NEB: variants seen among roughly 807,000 people sequenced by gnomAD.
NEB encodes the protein nebulin, also known as nemaline myopathy type 2.
A neutral mutation model predicts 952.2 loss-of-function variants in NEB; 512 were observed. The ratio of observed to expected loss-of-function variants is 0.54; its 90% confidence interval spans 0.50 to 0.58. The LOEUF is 0.58. NEB is among the 20% of genes least tolerant of loss of function. The pLI, the probability that NEB is intolerant of heterozygous loss-of-function variation, is 0.00. For synonymous variants in NEB, 2,900 were observed against 3,149.8 expected, an observed-to-expected ratio of 0.92 and a Z score of 2.66; for missense variants, 8,428 against 9,231.1, an observed-to-expected ratio of 0.91 and a Z score of 3.56.
rs1455652905 is a variant in NEB, at chr2:151,727,671, A to G, written c.294+20T>C. ...TTCTTAATAATCAAGCCAGGTTAGC[A>G]GAAGTTGTTTGAAACTTACTGGGCT... On this transcript the variant is annotated intron_variant, in intron 5 of 181. Coordinates refer to ENST00000397345, the MANE Select transcript of NEB (RefSeq NM_001164508.2). 1.2e-6 allele frequency: 2 copies of G among 1,600,574 alleles called. No homozygotes were observed. Among genetic ancestry groups the G allele is most frequent in the Non-Finnish European group, 1.7e-6 (2 of 1,168,762 alleles).
chr2:151,683,333 C>A (rs562215553), intron 28 of NEB, among the ~76,000 whole-genome samples: 2 of 152,172 alleles, frequency 1.3e-5, no homozygotes, highest in African/African-American at 4.8e-5. Flanking sequence ...CATAAGAGGG[C>A]GGTTATTATT....
chr2:151,492,195 GTTC>G lies in NEB; in HGVS notation c.24957_24959del (p.Lys8319del), dbSNP rs755822172. The G allele has an allele frequency of 1.1e-5, 18 of 1,613,674 alleles. No homozygotes were observed. In the Admixed American group the frequency reaches 2.3e-4, roughly 21 times the overall value. Reference sequence around the variant, plus strand: ...AGTTAATGTCACTGAAGTCCTGCATGTTCTTCTTTACTCGTTCAGTGATAGGAT... The same window carrying G: ...AGTTAATGTCACTGAAGTCCTGCATGTTCTTTACTCGTTCAGTGATAGGAT... On this transcript the variant is annotated inframe_deletion, in exon 178 of 182. Coordinates refer to ENST00000397345, the MANE Select transcript of NEB (RefSeq NM_001164508.2).
intron 92 of NEB, among the ~76,000 whole-genome samples, chr2:151,595,258 A>AT (rs71403176): frequency 9.2e-5 from 13 of 140,580 alleles, no homozygotes; most frequent in East Asian, 2.2e-4. Context: ...TTTTATTTTT[A>AT]TTTTTTTTTG....
intron 13 of NEB, among the ~76,000 whole-genome samples, chr2:151,706,471 G>A (rs2099706772): frequency 1.3e-5 from 2 of 152,102 alleles, no homozygotes; most frequent in African/African-American, 2.4e-5. Flanking sequence ...GAAGACTTAG[G>A]GGCCCATCTT....
At chr2:151,573,777 C>G (rs2096729753) in intron 107 of NEB, among the ~76,000 whole-genome samples, 1 of 152,146 alleles carries the variant, frequency 6.6e-6, no homozygotes. Context: ...TTTCTGCGAT[C>G]CATGAAAATG....
intron 29 of NEB, among the ~76,000 whole-genome samples, chr2:151,681,563 CT>C (rs1249603198): frequency 6.6e-6 from 1 of 152,210 alleles, no homozygotes; most frequent in East Asian, 1.9e-4. Flanking sequence ...TAACCCAGAA[CT>C]TTCTTCTGGA....
chr2:151,544,446 C>T (rs904751275), intron 135 of NEB, among the ~76,000 whole-genome samples: 1 of 152,076 alleles, frequency 6.6e-6, no homozygotes, highest in Non-Finnish European at 1.5e-5. Context: ...TGCCCAGACA[C>T]GGAGAATCAG....
chr2:151,578,894 C>A (rs2153827392), intron 105 of NEB, among the ~76,000 whole-genome samples: 1 of 151,630 alleles, frequency 6.6e-6, no homozygotes, highest in African/African-American at 2.4e-5. Flanking sequence ...CCAGCCTGGC[C>A]AAGATGGCAA....
At chr2:151,611,330 T>C (rs1434513507) in intron 78 of NEB, among the ~76,000 whole-genome samples, 2 of 152,212 alleles carry the variant, frequency 1.3e-5, no homozygotes, top group Non-Finnish European at 2.9e-5. Context: ...TTATTATTTT[T>C]TGAAGATGAT....
intron 136 of NEB, 21 bp downstream of exon 136, chr2:151,541,426 C>T: frequency 6.3e-7 from 1 of 1,586,542 alleles, no homozygotes; most frequent in African/African-American, 1.3e-5. Context: ...GAGTGGCAGG[C>T]TTATGAACCT....
At chr2:151,664,292 T>C (rs1437799319) in intron 44 of NEB, among the ~76,000 whole-genome samples, 1 of 152,208 alleles carries the variant, frequency 6.6e-6, no homozygotes, top group Non-Finnish European at 1.5e-5. Flanking sequence ...AGGCTACTTA[T>C]TTTAACAAGA....
intron 9 of NEB, 21 bp from the exon 10 acceptor site, chr2:151,717,541 G>C (rs1398750608): frequency 6.5e-7 from 1 of 1,543,548 alleles, no homozygotes; most frequent in African/African-American, 1.4e-5. Context: ...AAAAGACAGG[G>C]ATGTATTTTA....
Position 151,667,917 on chromosome 2 carries a change from A to T in NEB, c.4612-6T>A, listed in dbSNP as rs985668494. 2 of 1,600,924 alleles carry T rather than the reference A, an allele frequency of 1.2e-6. No homozygotes were observed. Among genetic ancestry groups the T allele is most frequent in the African/African-American group, 2.7e-5 (2 of 74,682 alleles). On this transcript the variant is annotated splice_region_variant and splice_polypyrimidine_tract_variant and intron_variant, in intron 39 of 181. Transcript: ENST00000397345. ...CAATCTGCTTTATAATGAGCCTTCAAAAAAGTAGAGGTTATTTTATTATTT... is the reference window on the plus strand; with the variant it reads ...CAATCTGCTTTATAATGAGCCTTCATAAAAGTAGAGGTTATTTTATTATTT...
intron 142 of NEB, 127 bp from the exon 143 acceptor site, chr2:151,533,673 G>A: frequency 1.6e-6 from 1 of 625,570 alleles, no homozygotes; most frequent in Non-Finnish European, 2.8e-6. Context: ...TCACATATGT[G>A]CGGGTGAAGA....
intron 142 of NEB, among the ~76,000 whole-genome samples, chr2:151,533,944 A>G (rs947342186): frequency 6.6e-6 from 1 of 152,208 alleles, no homozygotes; most frequent in Non-Finnish European, 1.5e-5. Flanking sequence ...TTACAGTTGC[A>G]GTTTTCAAAC....
chr2:151,514,180 A>C, intron 159 of NEB, 138 bp downstream of exon 159: 1 of 653,074 alleles, frequency 1.5e-6, no homozygotes, highest in Admixed American at 2.6e-5. Context: ...GTTAACAATT[A>C]TGTTGATATG....
At chr2:151,544,561 T>G (rs1207892109) in intron 135 of NEB, among the ~76,000 whole-genome samples, 1 of 152,174 alleles carries the variant, frequency 6.6e-6, no homozygotes, top group African/African-American at 2.4e-5. Context: ...TTTAGCAGGA[T>G]AAAAATAACG....
chr2:151,491,929 A>G (rs1365948493), intron 178 of NEB, 154 bp from the exon 179 acceptor site: 2 of 965,802 alleles, frequency 2.1e-6, no homozygotes, highest in Admixed American at 2.6e-5. Context: ...GAGAACAAAG[A>G]TAAGGTAGAA....
intron 153 of NEB, among the ~76,000 whole-genome samples, 184 bp downstream of exon 153, chr2:151,524,127 G>T (rs1156622826): frequency 6.6e-6 from 1 of 152,172 alleles, no homozygotes; most frequent in Non-Finnish European, 1.5e-5. Context: ...AACAAGAAAG[G>T]TCTAGACAGC....
Sources: allele counts gnomAD v4.1 joint callset (sites outside exome capture counted in the v4.1 genomes callset), GRCh38; gene constraint gnomAD v4.1.1; transcripts MANE v1.5; gene names NCBI Gene and HGNC (gene_info 2026-07-23, HGNC 2026-07-21).